Variants in FHIT observed in about 807,000 individuals in gnomAD.
The protein encoded by FHIT is bis(5'-adenosyl)-triphosphatase.
FHIT carries 19 observed loss-of-function variants against 17.9 expected under a neutral mutation model. The observed-to-expected ratio is 1.06, with a 90% CI of 0.74 to 1.56. The LOEUF is 1.56. FHIT is among the 40% of genes most tolerant of loss of function. The pLI is 0.00. For synonymous variants in FHIT, 81 were observed against 69.7 expected, an observed-to-expected ratio of 1.16 and a Z score of -0.81; for missense variants, 248 against 189.2, an observed-to-expected ratio of 1.31 and a Z score of -1.82.
At chr3:61,160,997 G>T (rs1205041794) in intron 2 of FHIT, among the ~76,000 whole-genome samples, 1 of 152,086 alleles carries the variant, frequency 6.6e-6, no homozygotes, top group Admixed American at 6.6e-5. Context: ...ATAAAATTGA[G>T]AAATTGTTCA....
chr3:61,046,855 C>T (rs567581349), intron 2 of FHIT, among the ~76,000 whole-genome samples: 3 of 152,236 alleles, frequency 2.0e-5, no homozygotes, highest in South Asian at 2.1e-4. Context: ...AATCAAAAAA[C>T]GTAATCCATC....
intron 3 of FHIT, among the ~76,000 whole-genome samples, chr3:60,938,776 G>A (rs1708294187): frequency 1.3e-5 from 2 of 152,148 alleles, no homozygotes; most frequent in Admixed American, 1.3e-4. Context: ...GTTTCTCACA[G>A]GAGGTCCCGT....
intron 7 of FHIT, among the ~76,000 whole-genome samples, chr3:60,009,848 G>C (rs888739561): frequency 6.6e-6 from 1 of 152,068 alleles, no homozygotes; most frequent in Admixed American, 6.6e-5. Context: ...TCTCTATTCA[G>C]AGCCTGTTGC....
At chr3:60,671,593 C>T (rs1373731671) in intron 4 of FHIT, among the ~76,000 whole-genome samples, 1 of 151,832 alleles carries the variant, frequency 6.6e-6, no homozygotes, top group Non-Finnish European at 1.5e-5. Context: ...AAAAAAAAAT[C>T]CCGCTCTTGA....
chr3:59,816,334 A>T (rs1700598702), intron 8 of FHIT, among the ~76,000 whole-genome samples: 1 of 152,202 alleles, frequency 6.6e-6, no homozygotes, highest in African/African-American at 2.4e-5. Flanking sequence ...TTTGCCAATT[A>T]GATGTGGACT....
chr3:60,854,553 C>CT (rs1369342573), intron 3 of FHIT, among the ~76,000 whole-genome samples: 1,273 of 60,588 alleles, frequency 0.021, 18 homozygotes, highest in African/African-American at 0.054. Flanking sequence ...CAGCCTACTT[C>CT]TATTTTTTTT....
intron 5 of FHIT, among the ~76,000 whole-genome samples, chr3:60,352,025 G>A (rs1478033872): frequency 6.6e-6 from 1 of 152,130 alleles, no homozygotes; most frequent in Admixed American, 6.6e-5. Flanking sequence ...CTCTTCCGGT[G>A]ACTGTCTTAT....
chr3:61,109,876 A>G (rs1015821075), intron 2 of FHIT, among the ~76,000 whole-genome samples: 6 of 152,098 alleles, frequency 3.9e-5, no homozygotes, highest in Non-Finnish European at 7.4e-5. Flanking sequence ...CTTTTAGGAC[A>G]ACCTTCAAAA....
chr3:60,350,711 T>C (rs17658860), intron 5 of FHIT, among the ~76,000 whole-genome samples: 21,637 of 152,062 alleles, frequency 0.14, 1,629 homozygotes, highest in Non-Finnish European at 0.16. Flanking sequence ...TCTTTTTTGG[T>C]CTAAGATAAG....
At position 61,251,313 on chromosome 3, in the gene FHIT, T is replaced by A. The variant is rs2040618965; in HGVS notation, c.-225A>T. 1 of 152,544 alleles carries A rather than the reference T, an allele frequency of 6.6e-6. No homozygotes were observed. The highest frequency in any genetic ancestry group is 6.5e-5 in the Admixed American group (1 of 15,286). The allele number at this position is 152,544 out of a possible 1,614,324, so 9.4% of individuals were successfully genotyped here. ...TCCCCGCCCCTACCTTCCAGGATGT[T>A]GACAGCTGGGAATGAAAGGCAGAGG... is the stretch of plus-strand genomic sequence containing the variant. On this transcript the variant is annotated 5_prime_UTR_variant, in exon 1 of 10. Coordinates refer to ENST00000492590, the MANE Select transcript of FHIT (RefSeq NM_002012.4).
At chr3:60,526,526 A>C (rs142658818) in intron 5 of FHIT, among the ~76,000 whole-genome samples, 1 of 152,214 alleles carries the variant, frequency 6.6e-6, no homozygotes, top group African/African-American at 2.4e-5. Context: ...GCTACCGAAA[A>C]GGTGAAATAG....
At chr3:60,766,520 G>A (rs1464258919) in intron 4 of FHIT, among the ~76,000 whole-genome samples, 4 of 152,148 alleles carry the variant, frequency 2.6e-5, no homozygotes, top group South Asian at 4.1e-4. Context: ...ATAGAAGCTA[G>A]GAAAATAGTG....
In FHIT at chr3:59,975,707, A is replaced by C. The variant is rs557079704; in HGVS notation, c.279+35664T>G. 2.0e-5 allele frequency among the ~76,000 whole-genome samples: 3 copies of C among 152,190 alleles called. No individual in the cohort carries two copies. In the East Asian group the frequency reaches 5.8e-4, roughly 30 times the overall value. ...CAAGAGATACTAGCCTAGAAATAAA[A>C]AGACTCATCCTGGAGAACTTGGTTA... On this transcript the variant is annotated intron_variant, in intron 7 of 9. Transcript: ENST00000492590.
intron 4 of FHIT, among the ~76,000 whole-genome samples, chr3:60,563,402 A>T (rs1342874593): frequency 6.6e-6 from 1 of 152,182 alleles, no homozygotes; most frequent in African/African-American, 2.4e-5. Context: ...ATAACCCTAC[A>T]ATCGCCTTTT....
chr3:60,849,765 A>T (rs1454468424), intron 3 of FHIT, among the ~76,000 whole-genome samples: 1 of 152,042 alleles, frequency 6.6e-6, no homozygotes, highest in Non-Finnish European at 1.5e-5. Context: ...GGTAGAAAAT[A>T]GGCTTGCCAT....
intron 4 of FHIT, among the ~76,000 whole-genome samples, chr3:60,749,705 C>T (rs17628405): frequency 0.18 from 26,703 of 152,006 alleles, 2,710 homozygotes; most frequent in Middle Eastern, 0.24. Context: ...CAATTGGAAA[C>T]GTGGAACCAG....
intron 4 of FHIT, among the ~76,000 whole-genome samples, chr3:60,626,963 T>G (rs2107764227): frequency 6.6e-6 from 1 of 152,250 alleles, no homozygotes; most frequent in East Asian, 1.9e-4. Context: ...ATGTTGCTTT[T>G]ATCCTTTATT....
Position 61,069,695 on chromosome 3 carries a change from C to T in FHIT, c.-163-27596G>A, listed in dbSNP as rs117772755. On this transcript the variant is annotated intron_variant, in intron 2 of 9. Coordinates refer to ENST00000492590, the MANE Select transcript of FHIT (RefSeq NM_002012.4). The stretch of plus-strand genomic sequence containing the variant: ...TAGCATCCTTTCTTAACCAGCATTG[C>T]GTGATTTTAAACTCTTCGTATCCCC... Among the ~76,000 whole-genome samples, 50 of 152,284 alleles carry T rather than the reference C, an allele frequency of 3.3e-4. No individual in the cohort carries two copies. The East Asian group carries it at 4.6e-3, about 14-fold the overall frequency.
At chr3:60,797,831 C>T (rs1243195788) in intron 4 of FHIT, among the ~76,000 whole-genome samples, 2 of 151,656 alleles carry the variant, frequency 1.3e-5, no homozygotes, top group Non-Finnish European at 2.9e-5. Context: ...TTTTTATTAG[C>T]TAACCCATTC....
Sources: gnomAD v4.1 joint callset for allele counts (sites outside exome capture counted in the v4.1 genomes callset) on GRCh38, gnomAD v4.1.1 for gene constraint, MANE v1.5 for transcripts, NCBI Gene and HGNC (gene_info 2026-07-23, HGNC 2026-07-21) for gene names.